GLYATL3: variants seen among roughly 807,000 people sequenced by gnomAD.
GLYATL3 encodes the protein glycine N-acyltransferase-like protein 3.
In GLYATL3, 31 loss-of-function variants were observed where a neutral mutation model predicts 28.5. The observed-to-expected ratio is 1.09, with a 90% confidence interval of 0.82 to 1.47. The LOEUF (loss-of-function observed/expected upper bound fraction) is 1.47, where lower values mean the gene tolerates loss of function less well. Ranked by LOEUF, GLYATL3 falls within the 40% of genes most tolerant of loss-of-function variation. The pLI is 0.00. For synonymous variants in GLYATL3, 141 were observed against 140.2 expected (o/e 1.01, Z -0.04); for missense variants, 369 against 351.5 (o/e 1.05, Z -0.40).
rs537909315 is a variant in GLYATL3 at position 49,507,735 on chromosome 6, C to T, written c.-28-4228C>T. 1.3e-4 allele frequency among the ~76,000 whole-genome samples: 20 copies of T among 152,074 alleles called. No homozygotes were observed. The South Asian group carries it at 4.2e-3, about 32-fold the overall frequency. ...ATGCAATGGGACTCTCTCTTTGTTC[C>T]CAGACAGATCGGCAGGTTGAAAAAT... On this transcript the variant is annotated intron_variant, in intron 1 of 5. Coordinates refer to ENST00000371197, the MANE Select transcript of GLYATL3 (RefSeq NM_001010904.2).
intron 5 of GLYATL3, among the ~76,000 whole-genome samples, chr6:49,524,554 T>C (rs1300472300): frequency 1.3e-5 from 2 of 152,180 alleles, no homozygotes; most frequent in Non-Finnish European, 2.9e-5. Context: ...GGGCTTTATA[T>C]AGTAAACTAA....
rs146901397 is a variant in GLYATL3, at chr6:49,521,379, G to GT, written c.314-265dup. Reference sequence around the variant, plus strand: ...TTCTCCCAAGAAATTCTAAAGTCCCGTGAGATATTCCCATCATAAGTTTCT... The same window carrying GT: ...TTCTCCCAAGAAATTCTAAAGTCCCGTTGAGATATTCCCATCATAAGTTTCT... On this transcript the variant is annotated intron_variant, in intron 4 of 5. Transcript: ENST00000371197. 3.4e-3 allele frequency among the ~76,000 whole-genome samples: 519 copies of GT among 152,188 alleles called. 4 individuals carry two copies. Among genetic ancestry groups the GT allele is most frequent in the African/African-American group, 0.012 (501 of 41,534 alleles).
rs1459486557 is a variant in GLYATL3, at chr6:49,528,006, T to C, written c.*1092T>C. Among the ~76,000 whole-genome samples the C allele has an allele frequency of 6.6e-6, 1 of 152,200 alleles. No homozygotes were observed. Among genetic ancestry groups the C allele is most frequent in the Non-Finnish European group, 1.5e-5 (1 of 68,018 alleles). On this transcript the variant is annotated 3_prime_UTR_variant, in exon 6 of 6. Transcript: ENST00000371197. Reference sequence around the variant, plus strand: ...TGCTGCCATTTTAATTCCAATCTGTTATTTTCACTAAATCATGTATCCTTT... The same window carrying C: ...TGCTGCCATTTTAATTCCAATCTGTCATTTTCACTAAATCATGTATCCTTT...
chr6:49,506,562 A>G (rs1313559045), intron 1 of GLYATL3, among the ~76,000 whole-genome samples: 1 of 152,186 alleles, frequency 6.6e-6, no homozygotes, highest in East Asian at 1.9e-4. Context: ...GCCATTCCTT[A>G]GCAATCATGG....
intron 3 of GLYATL3, among the ~76,000 whole-genome samples, chr6:49,516,490 A>T (rs985680327): frequency 1.3e-5 from 2 of 152,136 alleles, no homozygotes; most frequent in African/African-American, 4.8e-5. Flanking sequence ...ACCAAGGAGA[A>T]GCTCATGTGG....
intron 4 of GLYATL3, among the ~76,000 whole-genome samples, chr6:49,519,849 G>A (rs1480473100): frequency 6.6e-6 from 1 of 152,192 alleles, no homozygotes; most frequent in Non-Finnish European, 1.5e-5. Flanking sequence ...AGCAGGAAGT[G>A]AAAAAGTATA....
At chr6:49,526,267 AGC>A (rs1433125723) in intron 5 of GLYATL3, among the ~76,000 whole-genome samples, 4 of 152,100 alleles carry the variant, frequency 2.6e-5, no homozygotes. Flanking sequence ...TACAAAAATT[AGC>A]TGGGATGGTG....
rs1769417998 is a variant in GLYATL3, at chr6:49,526,542, C to G, written c.495C>G (p.Leu165=). ...TGAGTGTTGCCAATGCGGATCTACT[C>G]AACCGGACTTGGTCCCGGGGAGGCA... ...TYLSVANADL[L]NRTWSRGGNE... The change falls in exon 6 of 6, where the codon CTC becomes CTG. Residue 165 remains leucine, a synonymous_variant. Transcript: ENST00000371197. 2 of 1,551,816 alleles carry G rather than the reference C, an allele frequency of 1.3e-6. No individual in the cohort carries two copies. Among genetic ancestry groups the G allele is most frequent in the African/African-American group, 1.4e-5 (1 of 73,176 alleles).
chr6:49,511,831 C>T (rs551950822), intron 1 of GLYATL3, 132 bp from the exon 2 acceptor site: 1 of 483,324 alleles, frequency 2.1e-6, no homozygotes, highest in South Asian at 4.4e-5. Context: ...CCCATCTTCC[C>T]TTTTCCCTCT....
rs558809145 is a variant in GLYATL3 at position 49,522,123 on chromosome 6, T to C, written c.440+352T>C. ...ATACTGTCTGAGTCCAAAGTTGTTA[T>C]TGATTTTGCTGTTTCAGGGATGGGG... On this transcript the variant is annotated intron_variant, in intron 5 of 5. Transcript: ENST00000371197. 2.0e-4 allele frequency among the ~76,000 whole-genome samples: 31 copies of C among 152,306 alleles called. 1 individual carries two copies. The South Asian group carries it at 6.2e-3, about 31-fold the overall frequency.
intron 1 of GLYATL3, among the ~76,000 whole-genome samples, chr6:49,504,942 A>T (rs1222875467): frequency 3.3e-5 from 5 of 152,212 alleles, no homozygotes; most frequent in Non-Finnish European, 7.3e-5. Flanking sequence ...CATGAGTAAC[A>T]TCCATTTGCC....
chr6:49,511,990 G>A lies in GLYATL3; in HGVS notation c.-1G>A. ...GTGGAGTTGCAAGAGCTCTGGAAAAGATGTTGGTGCTAAACTGTTCTACCA... is the reference window on the plus strand; with the variant it reads ...GTGGAGTTGCAAGAGCTCTGGAAAAAATGTTGGTGCTAAACTGTTCTACCA... On this transcript the variant is annotated 5_prime_UTR_variant, in exon 2 of 6. Transcript: ENST00000371197. 6.8e-7 allele frequency: 1 copy of A among 1,469,514 alleles called. No individual in the cohort carries two copies. The highest frequency in any genetic ancestry group is 9.2e-7 in the Non-Finnish European group (1 of 1,081,686). 91.0% of individuals were successfully genotyped at this position (1,469,514 alleles called of 1,614,324 possible).
In GLYATL3 at chr6:49,515,758, G is replaced by C; in HGVS notation, c.184G>C (p.Glu62Gln). The C allele has an allele frequency of 6.6e-7, 1 of 1,524,736 alleles. No homozygotes were observed. The highest frequency in any genetic ancestry group is 8.9e-7 in the Non-Finnish European group (1 of 1,122,084). 94.5% of individuals were successfully genotyped at this position (1,524,736 alleles called of 1,614,324 possible). A position where few individuals can be genotyped will look rare whatever the true frequency, so the allele number is the denominator to read the frequency against. Residue 62 changes from glutamate (E) to glutamine (Q), a missense_variant and splice_region_variant, in exon 3 of 6, where the codon GAG (glutamate) becomes CAG (glutamine). Physicochemically the swap from Glu to Gln is conservative, Grantham distance 29. Coordinates refer to ENST00000371197, the MANE Select transcript of GLYATL3 (RefSeq NM_001010904.2). ...FKAVITRRQR[E>Q]AETDNLDHYT... ...AGCTGTTATCACCCGACGACAAAGA[G>C]AGGTACAGTTTTGAAAGGTAAAAAG... is the stretch of plus-strand genomic sequence containing the variant.
At position 49,524,913 on chromosome 6, in the gene GLYATL3, G is replaced by A. The variant is rs1456891106; in HGVS notation, c.441-1575G>A. On this transcript the variant is annotated intron_variant, in intron 5 of 5. Coordinates refer to ENST00000371197, the MANE Select transcript of GLYATL3 (RefSeq NM_001010904.2). ...GAGAATCGCTTGAACTCAGGGGGCA[G>A]AGGTTGCAGTGAGCCACTGCACTCC... 6.2e-4 allele frequency among the ~76,000 whole-genome samples: 90 copies of A among 144,130 alleles called. 2 individuals carry two copies. The Admixed American group carries it at 6.4e-3, about 10-fold the overall frequency. 94.6% of individuals were successfully genotyped at this position (144,130 alleles called of 152,430 possible).
rs1761159057 is a variant in GLYATL3, at chr6:49,506,259, G to A, written c.-28-5704G>A. Among the ~76,000 whole-genome samples the A allele has an allele frequency of 1.3e-5, 2 of 152,206 alleles. 1 individual carries two copies. The highest frequency in any genetic ancestry group is 3.9e-4 in the East Asian group (2 of 5,186). Reference sequence around the variant, plus strand: ...CATTGGCAACAGCTAATTTTAAAGAGGTAAAACATTGAATTAATTCATCTT... The same window carrying A: ...CATTGGCAACAGCTAATTTTAAAGAAGTAAAACATTGAATTAATTCATCTT... On this transcript the variant is annotated intron_variant, in intron 1 of 5. Transcript: ENST00000371197.
At position 49,521,709 on chromosome 6, in the gene GLYATL3, G is replaced by A. The variant is rs1769319211; in HGVS notation, c.378G>A (p.Lys126=). Residue 126 remains lysine, a synonymous_variant, in exon 5 of 6, where the codon AAG becomes AAA. Transcript: ENST00000371197. The part of the protein sequence containing the change: ...AVANSKQLNI[K]LTSFKAVHFS... ...CCAATTCAAAGCAGTTGAATATAAAGCTAACTTCCTTCAAGGCTGTTCATT... is the reference window on the plus strand; with the variant it reads ...CCAATTCAAAGCAGTTGAATATAAAACTAACTTCCTTCAAGGCTGTTCATT... 1.3e-6 allele frequency: 2 copies of A among 1,551,056 alleles called. No individual in the cohort carries two copies. Among genetic ancestry groups the A allele is most frequent in the South Asian group, 1.2e-5 (1 of 84,044 alleles).
intron 3 of GLYATL3, 131 bp from the exon 4 acceptor site, chr6:49,517,299 T>C (rs1282363608): frequency 1.6e-6 from 1 of 606,148 alleles, no homozygotes; most frequent in Non-Finnish European, 2.6e-6. Flanking sequence ...CATTGCTTTA[T>C]AGGGGTCTAA....
At chr6:49,511,470 T>C (rs577722974) in intron 1 of GLYATL3, among the ~76,000 whole-genome samples, 1 of 152,296 alleles carries the variant, frequency 6.6e-6, no homozygotes, top group East Asian at 1.9e-4. Context: ...AAAAGATGTT[T>C]TCCAACTTAG....
At chr6:49,508,067 C>T (rs1029101852) in intron 1 of GLYATL3, among the ~76,000 whole-genome samples, 11 of 152,066 alleles carry the variant, frequency 7.2e-5, no homozygotes, top group African/African-American at 1.5e-4. Flanking sequence ...GAGGCTGAGG[C>T]GGGTGGATCG....
Sources: gnomAD v4.1 joint callset for allele counts (sites outside exome capture counted in the v4.1 genomes callset) on GRCh38, gnomAD v4.1.1 for gene constraint, MANE v1.5 for transcripts, NCBI Gene and HGNC (gene_info 2026-07-23, HGNC 2026-07-21) for gene names.